GPC3: variants seen among roughly 807,000 people sequenced by gnomAD.
GPC3 encodes glypican 3.
Under a neutral mutation model 34.4 loss-of-function variants are expected in GPC3, and 3 were observed. The observed-to-expected ratio is 0.09, with a 90% CI of 0.04 to 0.23. The LOEUF is 0.23. Ranked by LOEUF, GPC3 falls within the 10% of genes least tolerant of loss-of-function variation. GPC3 has a pLI of 1.00. For missense variants in GPC3, 351 were observed against 445.6 expected (o/e 0.79, Z 1.91); for synonymous variants, 177 against 174.0 (o/e 1.02, Z -0.13).
intron 6 of GPC3, among the ~76,000 whole-genome samples, chrX:133,601,685 C>T (rs2069982967): frequency 8.9e-6 from 1 of 111,737 alleles, no homozygotes; most frequent in Non-Finnish European, 1.9e-5. Context: ...TGGATTATTT[C>T]CTTAGTAAAG....
chrX:133,915,922 A>C (rs1026309410), intron 2 of GPC3, among the ~76,000 whole-genome samples: 3 of 110,812 alleles, frequency 2.7e-5, no homozygotes, highest in African/African-American at 9.8e-5. Context: ...AGGTGGGTGG[A>C]TCACTTGAGG....
At chrX:133,858,973 C>T (rs1346200313) in intron 2 of GPC3, among the ~76,000 whole-genome samples, 4 of 106,688 alleles carry the variant, frequency 3.7e-5, no homozygotes, top group South Asian at 4.4e-4. Context: ...CCCAGCTATT[C>T]GGGAGGCTGA....
intron 4 of GPC3, among the ~76,000 whole-genome samples, chrX:133,696,690 GA>G (rs965148951): frequency 2.7e-5 from 3 of 111,298 alleles, no homozygotes; most frequent in South Asian, 3.8e-4. Flanking sequence ...GTTCCTAGGG[GA>G]AAAAAAAGAG....
intron 2 of GPC3, among the ~76,000 whole-genome samples, chrX:133,808,409 C>G (rs1486485589): frequency 1.8e-5 from 2 of 112,202 alleles, no homozygotes; most frequent in Non-Finnish European, 3.8e-5. Context: ...TCCCAAAATA[C>G]AACTCAAAGC....
chrX:133,788,076 TATC>T (rs1439563250), intron 2 of GPC3, among the ~76,000 whole-genome samples: 1 of 80,405 alleles, frequency 1.2e-5, no homozygotes, highest in African/African-American at 4.8e-5. Flanking sequence ...AATATAAAGA[TATC>T]ATATTATTTT....
chrX:133,751,138 G>A (rs367832898), intron 3 of GPC3, among the ~76,000 whole-genome samples: 2 of 108,831 alleles, frequency 1.8e-5, no homozygotes, highest in African/African-American at 6.6e-5. Flanking sequence ...CACCACAGGA[G>A]GATACTTGTT....
At chrX:133,766,374 A>C (rs910023613) in intron 2 of GPC3, among the ~76,000 whole-genome samples, 1 of 111,963 alleles carries the variant, frequency 8.9e-6, no homozygotes, top group Non-Finnish European at 1.9e-5. Context: ...AAGGCTTGCA[A>C]TAGCCAGCTA....
chrX:133,817,911 T>C (rs1168019674), intron 2 of GPC3, among the ~76,000 whole-genome samples: 1 of 111,257 alleles, frequency 9.0e-6, no homozygotes, highest in Non-Finnish European at 1.9e-5. Flanking sequence ...TTGGAAATTA[T>C]AAAATGATAT....
intron 7 of GPC3, among the ~76,000 whole-genome samples, chrX:133,537,811 G>T (rs2069307968): frequency 1.8e-5 from 2 of 111,278 alleles, no homozygotes; most frequent in African/African-American, 6.5e-5. Flanking sequence ...TCAATGTGTA[G>T]TAGTTTATAC....
Position 133,937,033 on chromosome X carries a change from A to AT in GPC3, c.337+16016dup, listed in dbSNP as rs368033279. On this transcript the variant is annotated intron_variant, in intron 2 of 7. Transcript: ENST00000370818. ...GCAGACAGACAGACAGACAGGTTTG[A>AT]TTTTTTTTTTTTAACACTCAGACTC... is the stretch of plus-strand genomic sequence containing the variant. Among the ~76,000 whole-genome samples, 314 of 105,373 alleles carry AT rather than the reference A, an allele frequency of 3.0e-3. 1 individual carries two copies. Among genetic ancestry groups the AT allele is most frequent in the East Asian group, 5.6e-3 (19 of 3,379 alleles). The allele number at this position is 105,373 out of a possible 115,157, so 91.5% of individuals were successfully genotyped here. A position where few individuals can be genotyped will look rare whatever the true frequency, so the allele number is the denominator to read the frequency against.
intron 2 of GPC3, among the ~76,000 whole-genome samples, chrX:133,826,753 C>T: frequency 9.0e-6 from 1 of 111,449 alleles, no homozygotes; most frequent in African/African-American, 3.3e-5. Context: ...CATAATGAAA[C>T]CTTTGAAAAA....
At chrX:133,615,810 T>C (rs1329626018) in intron 6 of GPC3, among the ~76,000 whole-genome samples, 1 of 108,314 alleles carries the variant, frequency 9.2e-6, no homozygotes, top group Non-Finnish European at 1.9e-5. Context: ...AAAAACCACA[T>C]GATTATCACA....
At chrX:133,866,341 C>T (rs2075967272) in intron 2 of GPC3, among the ~76,000 whole-genome samples, 1 of 111,539 alleles carries the variant, frequency 9.0e-6, no homozygotes, top group Admixed American at 9.5e-5. Context: ...AAATGGTCCC[C>T]TTCACCTCCT....
chrX:133,702,486 T>C (rs747957625), intron 3 of GPC3, among the ~76,000 whole-genome samples: 1 of 111,462 alleles, frequency 9.0e-6, no homozygotes, highest in African/African-American at 3.3e-5. Context: ...GTAACTTGTC[T>C]ACTTGCAACC....
At chrX:133,945,008 T>A (rs745957564) in intron 2 of GPC3, among the ~76,000 whole-genome samples, 2 of 111,761 alleles carry the variant, frequency 1.8e-5, no homozygotes, top group Non-Finnish European at 3.8e-5. Flanking sequence ...GCCTCCTAGG[T>A]GTTTGCCCCT....
At chrX:133,702,519 C>A (rs1405925696) in intron 3 of GPC3, among the ~76,000 whole-genome samples, 1 of 111,362 alleles carries the variant, frequency 9.0e-6, no homozygotes, top group Non-Finnish European at 1.9e-5. Context: ...ATCTCCCTCC[C>A]CATTGAAAGT....
At chrX:133,902,019 G>T (rs1320655939) in intron 2 of GPC3, among the ~76,000 whole-genome samples, 1 of 111,713 alleles carries the variant, frequency 9.0e-6, no homozygotes, top group Non-Finnish European at 1.9e-5. Context: ...ACCTACTCTT[G>T]AACTTTACCC....
chrX:133,692,107 C>G (rs763741166), intron 5 of GPC3, among the ~76,000 whole-genome samples: 2 of 112,221 alleles, frequency 1.8e-5, no homozygotes, highest in Non-Finnish European at 3.8e-5. Flanking sequence ...CGCCATCATG[C>G]CTGGCTAACT....
intron 6 of GPC3, among the ~76,000 whole-genome samples, chrX:133,610,173 G>A (rs1050395249): frequency 9.0e-6 from 1 of 111,693 alleles, no homozygotes; most frequent in African/African-American, 3.3e-5. Context: ...ATTTTGGCTA[G>A]GTATAGTTTG....
Sources: gnomAD v4.1 joint callset for allele counts (sites outside exome capture counted in the v4.1 genomes callset) on GRCh38, gnomAD v4.1.1 for gene constraint, MANE v1.5 for transcripts, NCBI Gene and HGNC (gene_info 2026-07-23, HGNC 2026-07-21) for gene names.